Variants in LAMC2 observed in about 807,000 individuals in gnomAD.
The protein encoded by LAMC2 is laminin subunit gamma 2.
Under a neutral mutation model 140.2 loss-of-function variants are expected in LAMC2, and 97 were observed. That is an observed-to-expected ratio of 0.69 (90% CI 0.59 to 0.82). The LOEUF (loss-of-function observed/expected upper bound fraction) is 0.82. Ranked by LOEUF, LAMC2 falls within the 40% of genes least tolerant of loss-of-function variation. LAMC2 has a pLI of 0.00. For missense variants in LAMC2, 1,402 were observed against 1,476.1 expected (o/e 0.95, Z 0.82); for synonymous variants, 513 against 540.2 (o/e 0.95, Z 0.70).
the LAMC2 span, chr1:183,251,292 C>A: frequency 6.6e-6 from 1 of 152,114 alleles, no homozygotes; most frequent in African/African-American, 2.4e-5. Flanking sequence ...GACCAAGGCA[C>A]TGCTTCTCAA....
Position 183,186,876 on chromosome 1 carries a change from G to A in LAMC2, c.79+445G>A, listed in dbSNP as rs547662888. On this transcript the variant is annotated intron_variant, in intron 1 of 22. Coordinates refer to ENST00000264144, the MANE Select transcript of LAMC2 (RefSeq NM_005562.3). ...CCTGTAATTGATGTTTCAAATTTCG[G>A]ATGGAAAAATGAGCCTTAATAGTAT... Among the ~76,000 whole-genome samples, 30 of 152,244 alleles carry A rather than the reference G, an allele frequency of 2.0e-4. No homozygotes were observed. In the South Asian group the frequency reaches 6.0e-3, roughly 31 times the overall value.
chr1:183,238,830 G>A (rs568338495), intron 19 of LAMC2, among the ~76,000 whole-genome samples: 1 of 152,154 alleles, frequency 6.6e-6, no homozygotes, highest in Admixed American at 6.5e-5. Flanking sequence ...TTCCAGTATG[G>A]AACTGATATG....
At chr1:183,239,598 A>T in intron 20 of LAMC2, 35 bp downstream of exon 20, 1 of 1,522,140 alleles carries the variant, frequency 6.6e-7, no homozygotes, top group Non-Finnish European at 9.1e-7. Context: ...TGGTGCCAGT[A>T]GCACCAAACA....
chr1:183,208,891 G>A (rs1312197793), intron 2 of LAMC2, among the ~76,000 whole-genome samples: 1 of 152,010 alleles, frequency 6.6e-6, no homozygotes, highest in Non-Finnish European at 1.5e-5. Context: ...ATGTTGGCCA[G>A]GCTGGTCTCG....
intron 11 of LAMC2, among the ~76,000 whole-genome samples, chr1:183,229,130 G>A (rs1274874307): frequency 1.3e-5 from 2 of 152,218 alleles, no homozygotes; most frequent in Non-Finnish European, 2.9e-5. Context: ...AGCAGCTATA[G>A]TGGAGCATTC....
chr1:183,241,492 A>C (rs1056208991), intron 22 of LAMC2, among the ~76,000 whole-genome samples: 1 of 152,162 alleles, frequency 6.6e-6, no homozygotes, highest in Non-Finnish European at 1.5e-5. Flanking sequence ...ATTTTGGTTA[A>C]ATTTCTGGAT....
rs867506267 is a variant in LAMC2 at position 183,233,631 on chromosome 1, C to A, written c.2221-736C>A. Among the ~76,000 whole-genome samples, 7 of 152,076 alleles carry A rather than the reference C, an allele frequency of 4.6e-5. 1 individual carries two copies. The highest frequency in any genetic ancestry group is 2.0e-4 in the Admixed American group (3 of 15,272). Reference sequence around the variant, plus strand: ...TTGTTGTAGAAAATAAATAAAAATTCTCTATGATCCCATTACTATCAAATA... The same window carrying A: ...TTGTTGTAGAAAATAAATAAAAATTATCTATGATCCCATTACTATCAAATA... On this transcript the variant is annotated intron_variant, in intron 14 of 22. Transcript: ENST00000264144.
intron 20 of LAMC2, 88 bp from the exon 21 acceptor site, chr1:183,239,952 G>A (rs561995658): frequency 1.3e-5 from 19 of 1,438,694 alleles, no homozygotes; most frequent in South Asian, 4.6e-5. Flanking sequence ...CCCGGCTGCC[G>A]CTGTATTTTT....
At chr1:183,208,878 A>T (rs939347349) in intron 2 of LAMC2, among the ~76,000 whole-genome samples, 1 of 151,630 alleles carries the variant, frequency 6.6e-6, no homozygotes, top group Non-Finnish European at 1.5e-5. Context: ...ATGGGGTTTC[A>T]TTATGTTGGC....
the LAMC2 span, chr1:183,251,878 G>A: frequency 0.035 from 5,562 of 161,038 alleles, 349 homozygotes; most frequent in African/African-American, 0.13. Context: ...TGCTGCTGCT[G>A]CTACTGCTAT....
chr1:183,257,169 G>A, the LAMC2 span, among the ~76,000 whole-genome samples: 450 of 151,800 alleles, frequency 3.0e-3, 3 homozygotes, highest in Non-Finnish European at 4.4e-3. Context: ...TAGGCCAGGC[G>A]TAGTGGTTCA....
In LAMC2 at chr1:183,226,702, T is replaced by C. The variant is rs749681066; in HGVS notation, c.1071T>C (p.Thr357=). 5.6e-6 allele frequency: 9 copies of C among 1,614,098 alleles called. No homozygotes were observed. The highest frequency in any genetic ancestry group is 1.3e-5 in the African/African-American group (1 of 75,074). The change falls in exon 9 of 23, where the codon ACT becomes ACC. Residue 357 remains threonine (T), a synonymous_variant. Transcript: ENST00000264144. ...RIRATYGEYS[T]GYIDNVTLIS... ...AACCTGTTCTCTCGATTGCAGGTAC[T>C]GGGTACATTGACAATGTGACCCTGA...
At chr1:183,240,804 C>A in intron 22 of LAMC2, 1 of 526,940 alleles carries the variant, frequency 1.9e-6, no homozygotes, top group Non-Finnish European at 2.5e-6. Context: ...TGGAGGAAAG[C>A]TTGAAGAGGG....
At chr1:183,229,994 T>C (rs1015258320) in intron 11 of LAMC2, among the ~76,000 whole-genome samples, 4 of 152,236 alleles carry the variant, frequency 2.6e-5, no homozygotes, top group African/African-American at 9.6e-5. Flanking sequence ...CCTCTAAGCC[T>C]CAGTTTCCTT....
chr1:183,230,212 C>T (rs1282651044), intron 11 of LAMC2, among the ~76,000 whole-genome samples: 4 of 152,166 alleles, frequency 2.6e-5, no homozygotes, highest in Admixed American at 6.5e-5. Context: ...CCAGTGTGGA[C>T]CTAGATACTG....
At chr1:183,206,865 G>A (rs3768608) in intron 1 of LAMC2, among the ~76,000 whole-genome samples, 19,786 of 152,006 alleles carry the variant, frequency 0.13, 1,252 homozygotes, top group East Asian at 0.23. Context: ...TTCGCATCAG[G>A]CAGAGGTTCA....
At chr1:183,189,637 G>T (rs1658263200) in intron 1 of LAMC2, among the ~76,000 whole-genome samples, 1 of 152,180 alleles carries the variant, frequency 6.6e-6, no homozygotes, top group South Asian at 2.1e-4. Flanking sequence ...GGAGGTAAAA[G>T]AAACCTCAGC....
In LAMC2 at chr1:183,230,674, T is replaced by C. The variant is rs74129661; in HGVS notation, c.1715-287T>C. Among the ~76,000 whole-genome samples, 799 of 152,314 alleles carry C rather than the reference T, an allele frequency of 5.2e-3. 9 individuals are homozygous for C. The highest frequency in any genetic ancestry group is 0.019 in the African/African-American group (773 of 41,578). On this transcript the variant is annotated intron_variant, in intron 11 of 22. Coordinates refer to ENST00000264144, the MANE Select transcript of LAMC2 (RefSeq NM_005562.3). Reference sequence around the variant, plus strand: ...CGTAATGGGCCCAGAAGAAATGTTATTCACCTTGAAAGCAAAGCCAGAGTG... The same window carrying C: ...CGTAATGGGCCCAGAAGAAATGTTACTCACCTTGAAAGCAAAGCCAGAGTG...
intron 22 of LAMC2, 121 bp downstream of exon 22, chr1:183,240,512 T>C: frequency 1.3e-6 from 2 of 1,484,684 alleles, no homozygotes; most frequent in Non-Finnish European, 1.8e-6. Flanking sequence ...TATCAGTAAA[T>C]GTGCTTTGTT....
Sources: allele counts gnomAD v4.1 joint callset (sites outside exome capture counted in the v4.1 genomes callset), GRCh38; gene constraint gnomAD v4.1.1; transcripts MANE v1.5; gene names NCBI Gene and HGNC (gene_info 2026-07-23, HGNC 2026-07-21).